DAAM1: variants seen among roughly 807,000 people sequenced by gnomAD.
DAAM1 encodes the protein disheveled-associated activator of morphogenesis 1.
Under a neutral mutation model 130.0 loss-of-function variants are expected in DAAM1, and 52 were observed. The observed-to-expected ratio is 0.40, with a 90% CI of 0.32 to 0.50. The LOEUF is 0.50. DAAM1 is among the 20% of genes least tolerant of loss of function. The pLI is 0.61. For missense variants in DAAM1, 1,134 were observed against 1,303.8 expected (o/e 0.87, Z 2.01); for synonymous variants, 452 against 444.5 (o/e 1.02, Z -0.21).
chr14:59,310,835 G>A (rs1368280344), intron 3 of DAAM1, among the ~76,000 whole-genome samples: 1 of 152,066 alleles, frequency 6.6e-6, no homozygotes, highest in Non-Finnish European at 1.5e-5. Context: ...TATGGCTTTA[G>A]CTGACTAAAT....
At chr14:59,361,655 G>A (rs560058497) in intron 22 of DAAM1, among the ~76,000 whole-genome samples, 59 of 152,320 alleles carry the variant, frequency 3.9e-4, no homozygotes, top group Non-Finnish European at 3.2e-4. Context: ...AGGATGAAAC[G>A]TGCCTGTTGG....
chr14:59,194,685 T>C (rs1202909310), intron 1 of DAAM1, among the ~76,000 whole-genome samples: 4 of 152,262 alleles, frequency 2.6e-5, no homozygotes, highest in Admixed American at 1.3e-4. Context: ...TAGTCAAACA[T>C]GTAATCTAAT....
chr14:59,272,939 G>T (rs1882793285), intron 2 of DAAM1, among the ~76,000 whole-genome samples: 1 of 152,168 alleles, frequency 6.6e-6, no homozygotes, highest in African/African-American at 2.4e-5. Flanking sequence ...GAGAACAACT[G>T]ATGGTTTATG....
At chr14:59,340,025 C>A (rs372429964) in intron 15 of DAAM1, 49 bp from the exon 16 acceptor site, 2 of 1,536,158 alleles carry the variant, frequency 1.3e-6, no homozygotes, top group Non-Finnish European at 1.8e-6. Context: ...TATCTGAAGT[C>A]TGAATGTCCC....
At chr14:59,335,338 A>G (rs1044122400) in intron 15 of DAAM1, among the ~76,000 whole-genome samples, 2 of 152,194 alleles carry the variant, frequency 1.3e-5, no homozygotes, top group African/African-American at 2.4e-5. Flanking sequence ...CTCACATTCC[A>G]AAAGTTCATT....
chr14:59,349,006 T>A (rs1886187491), intron 17 of DAAM1, among the ~76,000 whole-genome samples: 3 of 152,202 alleles, frequency 2.0e-5, no homozygotes, highest in Admixed American at 2.0e-4. Flanking sequence ...GTATGAACGG[T>A]TTAAAAGTAT....
At chr14:59,288,298 G>T (rs924626519) in intron 2 of DAAM1, among the ~76,000 whole-genome samples, 9 of 152,090 alleles carry the variant, frequency 5.9e-5, no homozygotes, top group African/African-American at 2.2e-4. Context: ...TTAACTGTAA[G>T]ACCTAAAACA....
At chr14:59,225,819 G>A (rs944942579) in intron 1 of DAAM1, among the ~76,000 whole-genome samples, 5 of 152,170 alleles carry the variant, frequency 3.3e-5, no homozygotes, top group African/African-American at 9.7e-5. Context: ...GGGTGCTTGC[G>A]AAGATCGAAG....
intron 2 of DAAM1, among the ~76,000 whole-genome samples, chr14:59,284,485 A>G (rs1328872964): frequency 5.9e-5 from 9 of 152,200 alleles, no homozygotes; most frequent in South Asian, 2.1e-4. Flanking sequence ...TGAAATGGCT[A>G]AAATGTCAGA....
At chr14:59,294,830 A>G (rs1883893057) in intron 3 of DAAM1, among the ~76,000 whole-genome samples, 1 of 152,194 alleles carries the variant, frequency 6.6e-6, no homozygotes, top group Non-Finnish European at 1.5e-5. Flanking sequence ...GCCATGCTGT[A>G]TTTGCTTATT....
At chr14:59,208,491 A>G (rs1743198935) in intron 1 of DAAM1, among the ~76,000 whole-genome samples, 1 of 152,160 alleles carries the variant, frequency 6.6e-6, no homozygotes, top group African/African-American at 2.4e-5. Context: ...CCAGTTTCAC[A>G]TGCATCCCTT....
At chr14:59,299,279 AT>A (rs1884079577) in intron 3 of DAAM1, among the ~76,000 whole-genome samples, 1 of 152,250 alleles carries the variant, frequency 6.6e-6, no homozygotes, top group African/African-American at 2.4e-5. Context: ...CTAAAAGGTA[AT>A]CTTAGAAGGG....
intron 1 of DAAM1, among the ~76,000 whole-genome samples, chr14:59,241,395 A>T (rs1255857622): frequency 6.6e-6 from 1 of 152,238 alleles, no homozygotes; most frequent in Non-Finnish European, 1.5e-5. Flanking sequence ...TTCCGAATTA[A>T]GTAGAGTGAA....
intron 13 of DAAM1, among the ~76,000 whole-genome samples, 193 bp from the exon 14 acceptor site, chr14:59,331,016 A>G (rs1370031559): frequency 6.6e-6 from 1 of 152,212 alleles, no homozygotes; most frequent in African/African-American, 2.4e-5. Context: ...CTTGAGTGTC[A>G]GGTACAAAAG....
At chr14:59,343,570 T>C (rs1885936038) in intron 16 of DAAM1, among the ~76,000 whole-genome samples, 1 of 152,242 alleles carries the variant, frequency 6.6e-6, no homozygotes, top group Non-Finnish European at 1.5e-5. Context: ...TTCACCACAG[T>C]GAAAGCCTGT....
chr14:59,353,117 A>C (rs1330226389), intron 18 of DAAM1, among the ~76,000 whole-genome samples: 5 of 152,178 alleles, frequency 3.3e-5, no homozygotes, highest in African/African-American at 1.2e-4. Flanking sequence ...CTAATCAATC[A>C]TGGCACTCTT....
At chr14:59,260,483 GTTTATTC>G (rs2139500663) in intron 1 of DAAM1, among the ~76,000 whole-genome samples, 1 of 152,022 alleles carries the variant, frequency 6.6e-6, no homozygotes, top group Admixed American at 6.5e-5. Context: ...ACACTGTATT[GTTTATTC>G]TTTATGTGTT....
intron 1 of DAAM1, among the ~76,000 whole-genome samples, chr14:59,195,646 C>T (rs1478696934): frequency 1.3e-5 from 2 of 152,184 alleles, no homozygotes; most frequent in African/African-American, 4.8e-5. Flanking sequence ...TGTTGCCTAT[C>T]TGATAGACTT....
intron 2 of DAAM1, among the ~76,000 whole-genome samples, chr14:59,269,070 A>G (rs1386592419): frequency 2.6e-5 from 4 of 152,234 alleles, no homozygotes; most frequent in Admixed American, 2.6e-4. Flanking sequence ...GTGCATGTTA[A>G]GAGCCTGTCT....
Sources: allele counts gnomAD v4.1 joint callset (sites outside exome capture counted in the v4.1 genomes callset), GRCh38; gene constraint gnomAD v4.1.1; transcripts MANE v1.5; gene names NCBI Gene and HGNC (gene_info 2026-07-23, HGNC 2026-07-21).